CBL: variants seen among roughly 807,000 people sequenced by gnomAD.
CBL encodes the protein Cbl proto-oncogene.
Under a neutral mutation model 96.9 loss-of-function variants are expected in CBL, and 45 were observed. The ratio of observed to expected loss-of-function variants is 0.46; its 90% confidence interval spans 0.37 to 0.60. The LOEUF (loss-of-function observed/expected upper bound fraction) is 0.60, where lower values mean the gene tolerates loss of function less well. Ranked by LOEUF, CBL falls within the 20% of genes least tolerant of loss-of-function variation. The pLI, the probability that CBL is intolerant of heterozygous loss-of-function variation, is 0.00. For synonymous variants in CBL, 420 were observed against 426.8 expected (o/e 0.98, Z 0.20); for missense variants, 1,024 against 1,143.5 (o/e 0.90, Z 1.51).
chr11:119,262,708 A>T (rs937631465), intron 2 of CBL, among the ~76,000 whole-genome samples: 4 of 152,180 alleles, frequency 2.6e-5, no homozygotes, highest in African/African-American at 9.7e-5. Context: ...TGTCTTCCAG[A>T]TTGGGGAATA....
intron 2 of CBL, among the ~76,000 whole-genome samples, chr11:119,246,861 A>T (rs542603662): frequency 6.6e-6 from 1 of 152,242 alleles, no homozygotes. Context: ...TTACTTGTGC[A>T]TGATTTCGTA....
rs1950126611 is a variant in CBL, at chr11:119,305,263, T to G, written c.*5482T>G. On this transcript the variant is annotated 3_prime_UTR_variant, in exon 16 of 16. Transcript: ENST00000264033. ...CCTTTGTCAGTCTTCGCATCCAAGA[T>G]TTCTTCCCTCCCTCTTGTGGGCCAG... is the stretch of plus-strand genomic sequence containing the variant. 4.3e-6 allele frequency: 1 copy of G among 232,042 alleles called. No homozygotes were observed. 14.4% of individuals were successfully genotyped at this position (232,042 alleles called of 1,614,324 possible).
intron 2 of CBL, among the ~76,000 whole-genome samples, chr11:119,268,472 G>A (rs1335630919): frequency 6.6e-6 from 1 of 152,180 alleles, no homozygotes; most frequent in Non-Finnish European, 1.5e-5. Flanking sequence ...TAAAGTACAT[G>A]AAGAAAGAGC....
chr11:119,240,687 A>G (rs1261528448), intron 2 of CBL, among the ~76,000 whole-genome samples: 2 of 152,176 alleles, frequency 1.3e-5, no homozygotes, highest in African/African-American at 2.4e-5. Context: ...CTTGGGAGAC[A>G]TATGTGTTCC....
rs570248378 is a variant in CBL, at chr11:119,207,949, T to C, written c.195+1337T>C. Among the ~76,000 whole-genome samples, 5 of 152,358 alleles carry C rather than the reference T, an allele frequency of 3.3e-5. No homozygotes were observed. The South Asian group carries it at 8.3e-4, about 25-fold the overall frequency. On this transcript the variant is annotated intron_variant, in intron 1 of 15. Transcript: ENST00000264033. ...CAATTTAAATGCTTAATAAGTCCTG[T>C]GTGTGAATTAACACTCCAGTAGTGC...
At chr11:119,208,631 T>TC (rs1949293498) in intron 1 of CBL, among the ~76,000 whole-genome samples, 1 of 152,130 alleles carries the variant, frequency 6.6e-6, no homozygotes, top group South Asian at 2.1e-4. Flanking sequence ...CCTCAGGTGA[T>TC]CCATGCGCCA....
intron 13 of CBL, 103 bp from the exon 14 acceptor site, chr11:119,297,281 C>CA (rs1950070713): frequency 2.1e-6 from 2 of 961,108 alleles, no homozygotes; most frequent in Non-Finnish European, 3.4e-6. Flanking sequence ...TCAACTTTAA[C>CA]ATTTATTAGT....
intron 2 of CBL, among the ~76,000 whole-genome samples, chr11:119,243,019 T>C (rs1949599303): frequency 6.6e-6 from 1 of 152,114 alleles, no homozygotes; most frequent in Admixed American, 6.6e-5. Context: ...GGCTCATTAC[T>C]GTAATCCCAG....
chr11:119,295,541 G>A (rs902885318), intron 12 of CBL, among the ~76,000 whole-genome samples: 13 of 151,856 alleles, frequency 8.6e-5, no homozygotes, highest in Non-Finnish European at 1.5e-5. Flanking sequence ...GGGCAACATA[G>A]TGAGACTCTG....
At position 119,300,143 on chromosome 11, in the gene CBL, CGTGT is replaced by C. The variant is rs771974415; in HGVS notation, c.*373_*376del. The C allele has an allele frequency of 8.1e-6, 4 of 491,548 alleles. No homozygotes were observed. The highest frequency in any genetic ancestry group is 1.4e-5 in the Non-Finnish European group (4 of 277,342). 30.4% of individuals were successfully genotyped at this position (491,548 alleles called of 1,614,324 possible). ...AGACTTCCTGGGTTAAGGATGTGGC[CGTGT>C]GTGTGTGTGTCTGCCTGTGGTTGTA... On this transcript the variant is annotated 3_prime_UTR_variant, in exon 16 of 16. Coordinates refer to ENST00000264033, the MANE Select transcript of CBL (RefSeq NM_005188.4).
intron 12 of CBL, among the ~76,000 whole-genome samples, chr11:119,295,558 CA>C (rs578082370): frequency 7.5e-5 from 11 of 147,190 alleles, no homozygotes; most frequent in Admixed American, 1.4e-4. Flanking sequence ...TCTGTCTCTA[CA>C]AAAAAAAAAA....
rs1246882963 is a variant in CBL at position 119,285,306 on chromosome 11, C to G, written c.1681C>G (p.Gln561Glu). 6.2e-7 allele frequency: 1 copy of G among 1,614,180 alleles called. No homozygotes were observed. Among genetic ancestry groups the G allele is most frequent in the South Asian group, 1.1e-5 (1 of 91,086 alleles). Residue 561 changes from glutamine to glutamate, a missense_variant, in exon 11 of 16, where the codon CAA becomes GAA. By Grantham distance (29) the Gln-to-Glu change is conservative (BLOSUM62 2). Around this residue, in one of 4 missense-constraint regions of CBL, gnomAD observed 695 missense variants for 661.6 expected, o/e 1.05. Coordinates refer to ENST00000264033, the MANE Select transcript of CBL (RefSeq NM_005188.4). ...TTCTGTTGGAGCAGAATCCCGACCTCAAAGACGCCCCTTGCCTTGTACACC... is the reference window on the plus strand; with the variant it reads ...TTCTGTTGGAGCAGAATCCCGACCTGAAAGACGCCCCTTGCCTTGTACACC... ...PYSVGAESRP[Q>E]RRPLPCTPGD...
chr11:119,286,376 C>T (rs1343991905), intron 11 of CBL, among the ~76,000 whole-genome samples: 1 of 152,132 alleles, frequency 6.6e-6, no homozygotes, highest in Admixed American at 6.6e-5. Context: ...TCATAAATGC[C>T]ATTTGTAATC....
chr11:119,217,554 C>A (rs796101236), intron 1 of CBL, among the ~76,000 whole-genome samples: 6 of 152,216 alleles, frequency 3.9e-5, no homozygotes, highest in African/African-American at 1.4e-4. Context: ...TTGAATAGGT[C>A]TGGAGTGGGG....
In CBL at chr11:119,210,881, A is replaced by G. The variant is rs116410893; in HGVS notation, c.195+4269A>G. The stretch of plus-strand genomic sequence containing the variant: ...TCCATTATTCTAGGGGATATGTTCA[A>G]GACACCCAGTGGATGCCTGAAAACC... On this transcript the variant is annotated intron_variant, in intron 1 of 15. Transcript: ENST00000264033. Among the ~76,000 whole-genome samples the G allele has an allele frequency of 8.0e-3, 1,219 of 152,246 alleles. 19 individuals carry two copies. The highest frequency in any genetic ancestry group is 0.028 in the African/African-American group (1,162 of 41,532).
At chr11:119,254,395 C>T (rs960306491) in intron 2 of CBL, among the ~76,000 whole-genome samples, 1 of 152,060 alleles carries the variant, frequency 6.6e-6, no homozygotes, top group Non-Finnish European at 1.5e-5. Flanking sequence ...GTTGTGTGAA[C>T]GTCATAGAGT....
Position 119,249,666 on chromosome 11 carries a change from C to CT in CBL, c.443+16984dup, listed in dbSNP as rs767462998. Among the ~76,000 whole-genome samples the CT allele has an allele frequency of 3.0e-3, 314 of 106,072 alleles. 1 individual carries two copies. The highest frequency in any genetic ancestry group is 4.3e-3 in the Non-Finnish European group (209 of 48,454). The allele number at this position is 106,072 out of a possible 152,430, so 69.6% of individuals were successfully genotyped here. A position where few individuals can be genotyped will look rare whatever the true frequency, so the allele number is the denominator to read the frequency against. On this transcript the variant is annotated intron_variant, in intron 2 of 15. Coordinates refer to ENST00000264033, the MANE Select transcript of CBL (RefSeq NM_005188.4). ...TTTGGTACAGTTTCTTTCTTTCTTT[C>CT]TTTTTTTTTTTTTAATTGAGACAGG...
intron 3 of CBL, among the ~76,000 whole-genome samples, chr11:119,273,131 G>A (rs954570275): frequency 7.2e-5 from 11 of 152,108 alleles, no homozygotes; most frequent in African/African-American, 2.4e-4. Context: ...GCCAGGCCCA[G>A]CTAATTTGCA....
rs3842642 is a variant in CBL at position 119,274,995 on chromosome 11, G to GT, written c.869+44dup. ...AAAGAGATTTATTCTTCTGAATTTC[G>GT]TTATCTTGAGACTTCTGCTAGTATA... On this transcript the variant is annotated intron_variant, in intron 5 of 15. Coordinates refer to ENST00000264033, the MANE Select transcript of CBL (RefSeq NM_005188.4). 0.3 allele frequency: 475,402 copies of GT among 1,608,242 alleles called. 76,006 individuals carry two copies. Among genetic ancestry groups the GT allele is most frequent in the South Asian group, 0.58 (52,491 of 90,768 alleles).
Sources: allele counts gnomAD v4.1 joint callset (sites outside exome capture counted in the v4.1 genomes callset), GRCh38; gene constraint gnomAD v4.1.1; regional missense constraint gnomAD v4.1.1; transcripts MANE v1.5; gene names NCBI Gene and HGNC (gene_info 2026-07-23, HGNC 2026-07-21).